The following PCDHA1 variants were observed in gnomAD, a reference collection of about 807,000 sequenced individuals.
PCDHA1 encodes protocadherin alpha 1, also known as protocadherin alpha-1.
In PCDHA1, 42 loss-of-function variants were observed where a neutral mutation model predicts 61.3. The observed-to-expected ratio is 0.69, with a 90% confidence interval of 0.54 to 0.89. The LOEUF (loss-of-function observed/expected upper bound fraction) is 0.89. PCDHA1 is among the 40% of genes least tolerant of loss of function. PCDHA1 has a pLI of 0.00. For missense variants in PCDHA1, 1,256 were observed against 1,235.3 expected, an observed-to-expected ratio of 1.02 and a Z score of -0.25; for synonymous variants, 610 against 553.8, an observed-to-expected ratio of 1.10 and a Z score of -1.43.
At chr5:140,875,580 C>T (rs1381718234) in intron 1 of PCDHA1, 2 of 1,614,076 alleles carry the variant, frequency 1.2e-6, no homozygotes, top group East Asian at 2.2e-5. Flanking sequence ...ACTCCGTCTA[C>T]GAGGAGGCCA....
In PCDHA1 at chr5:140,846,583, C is replaced by T. The variant is rs2150392469; in HGVS notation, c.2394+57899C>T. On this transcript the variant is annotated intron_variant, in intron 1 of 3. Transcript: ENST00000504120. The stretch of plus-strand genomic sequence containing the variant: ...TAGAGTCGGGGTTTCACCATGTTAG[C>T]CAGGATGGTCTCGATCTCCTGACCT... Among the ~76,000 whole-genome samples the T allele has an allele frequency of 2.6e-4, 39 of 148,680 alleles. 1 individual carries two copies. Among genetic ancestry groups the T allele is most frequent in the African/African-American group, 9.4e-4 (38 of 40,584 alleles).
chr5:140,786,912 C>T lies in PCDHA1; in HGVS notation c.622C>T (p.Leu208Phe). The T allele has an allele frequency of 6.2e-7, 1 of 1,614,186 alleles. No individual in the cohort carries two copies. Among genetic ancestry groups the T allele is most frequent in the Non-Finnish European group, 8.5e-7 (1 of 1,180,046 alleles). Residue 208 changes from leucine to phenylalanine, a missense_variant, in exon 1 of 4, where the codon CTT (leucine) becomes TTT (phenylalanine). Physicochemically the swap from Leu to Phe is conservative, Grantham distance 22 (BLOSUM62 0). Transcript: ENST00000504120. Reference sequence around the variant, plus strand: ...TTTGGATAGAGAAGAAACACCAGAACTTCACTTATTACTGACTGCCACTGA... The same window carrying T: ...TTTGGATAGAGAAGAAACACCAGAATTTCACTTATTACTGACTGCCACTGA... ...KYLDREETPE[L>F]HLLLTATDGG...
intron 1 of PCDHA1, among the ~76,000 whole-genome samples, chr5:140,961,280 CT>C (rs2153727915): frequency 6.6e-6 from 1 of 152,104 alleles, no homozygotes; most frequent in Admixed American, 6.5e-5. Flanking sequence ...TACCATGGCT[CT>C]GTTTCTTGAG....
chr5:140,789,185 T>C (rs1319186196), intron 1 of PCDHA1, among the ~76,000 whole-genome samples: 1 of 152,224 alleles, frequency 6.6e-6, no homozygotes, highest in Admixed American at 6.5e-5. Flanking sequence ...GGCGGTGGCT[T>C]ATGCCTGTAA....
At chr5:140,851,732 T>C in intron 1 of PCDHA1, 2 of 971,434 alleles carry the variant, frequency 2.1e-6, no homozygotes, top group Non-Finnish European at 2.5e-6. Context: ...CGAGTTCTTT[T>C]GAAATTCAGA....
intron 1 of PCDHA1, chr5:140,830,587 T>G (rs1554132940): frequency 1.3e-6 from 1 of 755,644 alleles, no homozygotes; most frequent in East Asian, 3.3e-5. Flanking sequence ...TTTAATTAAT[T>G]TTACAAAATT....
At chr5:140,958,104 T>C (rs1554223331) in intron 1 of PCDHA1, among the ~76,000 whole-genome samples, 1 of 151,916 alleles carries the variant, frequency 6.6e-6, no homozygotes, top group Admixed American at 6.6e-5. Flanking sequence ...GTGTGTAGAG[T>C]GTGGTTCCAT....
At position 140,851,351 on chromosome 5, in the gene PCDHA1, G is replaced by A. The variant is rs2042034892; in HGVS notation, c.2394+62667G>A. ...GTAGTTCTCTACATTTCTCTGGATG[G>A]AGACTGTGAACATCTGATTGTTCAG... is the stretch of plus-strand genomic sequence containing the variant. On this transcript the variant is annotated intron_variant, in intron 1 of 3. Coordinates refer to ENST00000504120, the MANE Select transcript of PCDHA1 (RefSeq NM_018900.4). The A allele has an allele frequency of 7.2e-6, 7 of 975,904 alleles. 1 individual carries two copies. Among genetic ancestry groups the A allele is most frequent in the Non-Finnish European group, 8.7e-6 (7 of 803,048 alleles). The allele number at this position is 975,904 out of a possible 1,614,324, so 60.5% of individuals were successfully genotyped here. A position where few individuals can be genotyped will look rare whatever the true frequency, so the allele number is the denominator to read the frequency against.
intron 1 of PCDHA1, chr5:140,814,987 G>A (rs1462134878): frequency 6.6e-6 from 1 of 152,030 alleles, no homozygotes; most frequent in Non-Finnish European, 1.5e-5. Flanking sequence ...ACTATTTTGT[G>A]TGATGTAGCT....
Position 140,857,729 on chromosome 5 carries a change from G to T in PCDHA1, c.2394+69045G>T, listed in dbSNP as rs782508750. 3 of 1,597,292 alleles carry T rather than the reference G, an allele frequency of 1.9e-6. No homozygotes were observed. In the East Asian group the frequency reaches 6.7e-5, roughly 36 times the overall value. On this transcript the variant is annotated intron_variant, in intron 1 of 3. Coordinates refer to ENST00000504120, the MANE Select transcript of PCDHA1 (RefSeq NM_018900.4). ...GTTCGTGCTGGACGAGAACGACAACGCTCCCGCGCTGCTGGCGTCTCCCGC... is the reference window on the plus strand; with the variant it reads ...GTTCGTGCTGGACGAGAACGACAACTCTCCCGCGCTGCTGGCGTCTCCCGC...
intron 1 of PCDHA1, chr5:140,871,069 C>G: frequency 6.2e-7 from 1 of 1,613,228 alleles, no homozygotes; most frequent in East Asian, 2.2e-5. Context: ...TCACGGTGAG[C>G]CGGCGCTGAC....
intron 1 of PCDHA1, among the ~76,000 whole-genome samples, chr5:140,902,590 A>G (rs1266008229): frequency 6.6e-6 from 1 of 151,942 alleles, no homozygotes; most frequent in African/African-American, 2.4e-5. Flanking sequence ...TAGTTTTGGG[A>G]AACAGGTCGT....
At chr5:140,993,137 A>G (rs1336525759) in intron 3 of PCDHA1, among the ~76,000 whole-genome samples, 12 of 152,212 alleles carry the variant, frequency 7.9e-5, no homozygotes, top group African/African-American at 2.7e-4. Flanking sequence ...CTGTTGCAAC[A>G]AGTATAAATG....
At chr5:140,823,300 G>A in intron 1 of PCDHA1, 4 of 1,612,472 alleles carry the variant, frequency 2.5e-6, no homozygotes, top group Non-Finnish European at 3.4e-6. Context: ...TTACGTTTCG[G>A]TGCACGCGGA....
chr5:140,821,778 G>A, intron 1 of PCDHA1: 1 of 1,607,492 alleles, frequency 6.2e-7, no homozygotes, highest in South Asian at 1.1e-5. Flanking sequence ...AGATTGAGAT[G>A]GTATATTCCC....
Position 141,011,486 on chromosome 5 carries a change from T to C in PCDHA1, c.*1549T>C, listed in dbSNP as rs887081256. ...GAATGTAATTCCATTATATTTCCTT[T>C]TGTACACCTGTGAAAAAGTGGAGTA... is the stretch of plus-strand genomic sequence containing the variant. On this transcript the variant is annotated 3_prime_UTR_variant, in exon 4 of 4. Coordinates refer to ENST00000504120, the MANE Select transcript of PCDHA1 (RefSeq NM_018900.4). 15 of 153,928 alleles carry C rather than the reference T, an allele frequency of 9.7e-5. No homozygotes were observed. Among genetic ancestry groups the C allele is most frequent in the African/African-American group, 2.9e-4 (12 of 41,596 alleles). The allele number at this position is 153,928 out of a possible 1,614,324, so 9.5% of individuals were successfully genotyped here.
At chr5:140,851,245 A>G (rs2042003165) in intron 1 of PCDHA1, 2 of 1,104,800 alleles carry the variant, frequency 1.8e-6, no homozygotes, top group Non-Finnish European at 2.3e-6. Flanking sequence ...TTGCTAAATG[A>G]TGCATAGTAT....
intron 3 of PCDHA1, among the ~76,000 whole-genome samples, chr5:140,987,213 CA>C (rs58319157): frequency 0.029 from 3,412 of 118,662 alleles, 64 homozygotes; most frequent in African/African-American, 0.058. Flanking sequence ...GACTCCATCT[CA>C]AAAAAAAAAA....
At chr5:140,867,685 T>C (rs2050105980) in intron 1 of PCDHA1, 1 of 152,116 alleles carries the variant, frequency 6.6e-6, no homozygotes, top group African/African-American at 2.4e-5. Context: ...TGTTGCATCT[T>C]CTTTTTTTCC....
Sources: allele counts gnomAD v4.1 joint callset (sites outside exome capture counted in the v4.1 genomes callset), GRCh38; gene constraint gnomAD v4.1.1; transcripts MANE v1.5; gene names NCBI Gene and HGNC (gene_info 2026-07-23, HGNC 2026-07-21).